Variants in TAB1 observed in about 807,000 individuals in gnomAD.
TAB1 encodes TGF-beta-activated kinase 1 and MAP3K7-binding protein 1.
In TAB1, 30 loss-of-function variants were observed where a neutral mutation model predicts 54.5. The ratio of observed to expected loss-of-function variants is 0.55; its 90% CI spans 0.41 to 0.75. The LOEUF is 0.75. Ranked by LOEUF, TAB1 falls within the 30% of genes least tolerant of loss-of-function variation. TAB1 has a pLI of 0.00. For synonymous variants in TAB1, 289 were observed against 286.9 expected (o/e 1.01, Z -0.07); for missense variants, 609 against 683.2 (o/e 0.89, Z 1.21).
In TAB1 at chr22:39,421,949, A is replaced by G. The variant is rs1186962449; in HGVS notation, c.899A>G (p.His300Arg). 3.8e-6 allele frequency: 6 copies of G among 1,589,550 alleles called. No homozygotes were observed. The highest frequency in any genetic ancestry group is 5.1e-6 in the Non-Finnish European group (6 of 1,169,338). ...TTGTACAAGGCCCTAGAGGCAGCCCATGGGCCTGGGCAGGCCAACCAGGTG... is the reference window on the plus strand; with the variant it reads ...TTGTACAAGGCCCTAGAGGCAGCCCGTGGGCCTGGGCAGGCCAACCAGGTG... ...EGLYKALEAA[H>R]GPGQANQEIA... Residue 300 changes from histidine to arginine, a missense_variant, in exon 8 of 11, where the codon CAT becomes CGT. Transcript: ENST00000216160.
downstream of TAB1, chr22:39,433,161 A>T (rs1410013058): frequency 1.1e-5 from 11 of 985,192 alleles, no homozygotes; most frequent in Non-Finnish European, 1.3e-5. Context: ...CCTTAAAGAC[A>T]TCAGTCTCGG....
At chr22:39,413,025 C>T (rs896561967) in intron 1 of TAB1, among the ~76,000 whole-genome samples, 17 of 151,628 alleles carry the variant, frequency 1.1e-4, no homozygotes, top group Admixed American at 5.3e-4. Flanking sequence ...TGCCATTCTC[C>T]TGCCTCAGCC....
intron 1 of TAB1, among the ~76,000 whole-genome samples, chr22:39,403,776 C>A (rs567444904): frequency 6.6e-6 from 1 of 151,710 alleles, no homozygotes; most frequent in African/African-American, 2.4e-5. Flanking sequence ...GTAGCTGGGA[C>A]TACAGGCACC....
downstream of TAB1, chr22:39,436,663 G>A (rs747067905): frequency 1.4e-5 from 15 of 1,063,638 alleles, no homozygotes; most frequent in Non-Finnish European, 1.9e-5. Flanking sequence ...GGATCTTCTC[G>A]TGCCAGGCCA....
At chr22:39,421,678 C>T in intron 7 of TAB1, 149 bp from the exon 8 acceptor site, 1 of 860,876 alleles carries the variant, frequency 1.2e-6, no homozygotes, top group Non-Finnish European at 1.8e-6. Context: ...GTCTATTTTT[C>T]TGACCTTCTC....
chr22:39,399,795 C>T lies in TAB1; in HGVS notation c.-8C>T, dbSNP rs201200171. 9.7e-4 allele frequency: 1,549 copies of T among 1,590,794 alleles called. 1 individual carries two copies. The highest frequency in any genetic ancestry group is 8.9e-4 in the Non-Finnish European group (1,038 of 1,169,220). On this transcript the variant is annotated 5_prime_UTR_variant, in exon 1 of 11. Transcript: ENST00000216160. ...GGAGGCGGGCGCTCCCGCAGGGGTT[C>T]CTCCAAGATGGCGGCGCAGAGGAGG...
chr22:39,407,774 C>T (rs1031391683), intron 1 of TAB1, among the ~76,000 whole-genome samples: 3 of 152,136 alleles, frequency 2.0e-5, no homozygotes, highest in Admixed American at 1.3e-4. Context: ...TGTGAGCCAC[C>T]GTGCCCAGCC....
chr22:39,434,202 T>C (rs1430474974), downstream of TAB1, among the ~76,000 whole-genome samples: 5 of 152,186 alleles, frequency 3.3e-5, no homozygotes, highest in Non-Finnish European at 5.9e-5. Flanking sequence ...GCCCTACTGA[T>C]GGGGAGACAG....
intron 1 of TAB1, among the ~76,000 whole-genome samples, chr22:39,401,883 A>G (rs1320468158): frequency 6.6e-6 from 1 of 152,150 alleles, no homozygotes; most frequent in African/African-American, 2.4e-5. Context: ...AGAACAACTC[A>G]GCTCAGACAC....
chr22:39,414,548 G>A (rs1926740745), intron 1 of TAB1, among the ~76,000 whole-genome samples: 1 of 152,216 alleles, frequency 6.6e-6, no homozygotes, highest in Non-Finnish European at 1.5e-5. Flanking sequence ...CTGCACTGCA[G>A]ATGTCCCGGG....
intron 8 of TAB1, among the ~76,000 whole-genome samples, chr22:39,425,561 T>TC (rs1264950432): frequency 6.8e-6 from 1 of 148,074 alleles, no homozygotes; most frequent in Non-Finnish European, 1.5e-5. Context: ...TTTCTTTTCT[T>TC]TTTTTTTTTT....
At chr22:39,432,104 G>C (rs1397630130), downstream of TAB1, among the ~76,000 whole-genome samples, 2 of 152,204 alleles carry the variant, frequency 1.3e-5, no homozygotes, top group African/African-American at 2.4e-5. Flanking sequence ...CTCGGACCCA[G>C]ATGTGTTCAT....
chr22:39,406,861 T>C (rs1301375181), intron 1 of TAB1, among the ~76,000 whole-genome samples: 3 of 152,234 alleles, frequency 2.0e-5, no homozygotes, highest in South Asian at 2.1e-4. Flanking sequence ...TCTCAATCTC[T>C]TGACCTCATG....
chr22:39,431,827 C>G lies in TAB1; in HGVS notation c.*1605C>G. On this transcript the variant is annotated 3_prime_UTR_variant, in exon 11 of 11. Transcript: ENST00000216160. ...TGTTTGGTCTCTAGAAACAGGGTCACTTTTTTAATGTAGTAAAGAAGTAAT... is the reference window on the plus strand; with the variant it reads ...TGTTTGGTCTCTAGAAACAGGGTCAGTTTTTTAATGTAGTAAAGAAGTAAT... 3.0e-6 allele frequency: 3 copies of G among 985,436 alleles called. No individual in the cohort carries two copies. In the East Asian group the frequency reaches 3.4e-4, roughly 112 times the overall value. The allele number at this position is 985,436 out of a possible 1,614,324, so 61.0% of individuals were successfully genotyped here. A position where few individuals can be genotyped will look rare whatever the true frequency, so the allele number is the denominator to read the frequency against.
At chr22:39,411,382 A>C (rs1926599008) in intron 1 of TAB1, among the ~76,000 whole-genome samples, 1 of 152,236 alleles carries the variant, frequency 6.6e-6, no homozygotes, top group African/African-American at 2.4e-5. Context: ...AAATAAAAAG[A>C]ACTCTCAGAA....
Position 39,414,998 on chromosome 22 carries a change from T to G in TAB1, c.34-8T>G. 1 of 1,613,912 alleles carries G rather than the reference T, an allele frequency of 6.2e-7. No homozygotes were observed. Among genetic ancestry groups the G allele is most frequent in the Non-Finnish European group, 8.5e-7 (1 of 1,179,974 alleles). On this transcript the variant is annotated splice_region_variant and splice_polypyrimidine_tract_variant and intron_variant, in intron 1 of 10. Coordinates refer to ENST00000216160, the MANE Select transcript of TAB1 (RefSeq NM_006116.3). Reference sequence around the variant, plus strand: ...GGCGTCTCACGGCTTCCTGGTGTCCTTCCCCAGGAGCAGCAGCCAAGCTGG... The same window carrying G: ...GGCGTCTCACGGCTTCCTGGTGTCCGTCCCCAGGAGCAGCAGCCAAGCTGG...
intron 8 of TAB1, among the ~76,000 whole-genome samples, chr22:39,425,586 G>T (rs1047262658): frequency 6.7e-6 from 1 of 150,142 alleles, no homozygotes; most frequent in East Asian, 2.0e-4. Flanking sequence ...ATGGAGTCTC[G>T]CTCTGTCACC....
In TAB1 at chr22:39,430,575, C is replaced by A. The variant is rs377081306; in HGVS notation, c.*353C>A. On this transcript the variant is annotated 3_prime_UTR_variant, in exon 11 of 11. Coordinates refer to ENST00000216160, the MANE Select transcript of TAB1 (RefSeq NM_006116.3). ...GAGCAGGAAGAGGCGCCCTGTGAAC[C>A]CTGAGTGTTGCAGGCCCAGCAGACC... The A allele has an allele frequency of 5.1e-5, 59 of 1,166,864 alleles. 1 individual carries two copies. In the East Asian group the frequency reaches 6.8e-4, roughly 13 times the overall value. The allele number at this position is 1,166,864 out of a possible 1,614,324, so 72.3% of individuals were successfully genotyped here.
At position 39,431,439 on chromosome 22, in the gene TAB1, G is replaced by A. The variant is rs34207713; in HGVS notation, c.*1217G>A. On this transcript the variant is annotated 3_prime_UTR_variant, in exon 11 of 11. Coordinates refer to ENST00000216160, the MANE Select transcript of TAB1 (RefSeq NM_006116.3). ...ATTTTGTCAGTATCCAGGACCCCCC[G>A]GATTCTCCACGCCCTCCCCATCTCC... The A allele has an allele frequency of 2.0e-6, 2 of 985,556 alleles. No homozygotes were observed. The highest frequency in any genetic ancestry group is 4.7e-5 in the South Asian group (1 of 21,296). 61.1% of individuals were successfully genotyped at this position (985,556 alleles called of 1,614,324 possible). A position where few individuals can be genotyped will look rare whatever the true frequency, so the allele number is the denominator to read the frequency against.
Sources: gnomAD v4.1 joint callset for allele counts (sites outside exome capture counted in the v4.1 genomes callset) on GRCh38, gnomAD v4.1.1 for gene constraint, MANE v1.5 for transcripts, NCBI Gene and HGNC (gene_info 2026-07-23, HGNC 2026-07-21) for gene names.